The following CDH12 variants were observed in gnomAD, a reference collection of about 807,000 sequenced individuals.
CDH12 encodes the protein cadherin 12, also known as cadherin-12.
In CDH12, 41 loss-of-function variants were observed where a neutral mutation model predicts 74.1. The observed-to-expected ratio is 0.55, with a 90% CI of 0.43 to 0.72. The LOEUF is 0.72. Ranked by LOEUF, CDH12 falls within the 30% of genes least tolerant of loss-of-function variation. The pLI, the probability that CDH12 is intolerant of heterozygous loss-of-function variation, is 0.00. For missense variants in CDH12, 945 were observed against 977.2 expected (o/e 0.97, Z 0.44); for synonymous variants, 399 against 355.0 (o/e 1.12, Z -1.39).
intron 6 of CDH12, among the ~76,000 whole-genome samples, chr5:21,916,935 A>G (rs1261726178): frequency 2.0e-5 from 3 of 152,146 alleles, no homozygotes; most frequent in African/African-American, 7.2e-5. Context: ...AAATCTCTTG[A>G]AAACAGCTGA....
chr5:22,511,147 G>A (rs969081195), intron 1 of CDH12, among the ~76,000 whole-genome samples: 25 of 151,938 alleles, frequency 1.6e-4, no homozygotes, highest in African/African-American at 5.6e-4. Context: ...TACCTGCCTC[G>A]GCCTCCCAAA....
chr5:21,828,670 T>C (rs571947584), intron 8 of CDH12, among the ~76,000 whole-genome samples: 23 of 152,270 alleles, frequency 1.5e-4, no homozygotes, highest in Middle Eastern at 3.4e-3. Flanking sequence ...GACACAATGG[T>C]TTACATTTTC....
At chr5:22,009,488 A>G (rs1370910850) in intron 5 of CDH12, among the ~76,000 whole-genome samples, 1 of 152,290 alleles carries the variant, frequency 6.6e-6, no homozygotes, top group East Asian at 1.9e-4. Flanking sequence ...ACATATAATT[A>G]TAACTTGGTG....
intron 5 of CDH12, among the ~76,000 whole-genome samples, chr5:22,077,022 T>C (rs960298735): frequency 6.7e-6 from 1 of 150,082 alleles, no homozygotes; most frequent in African/African-American, 2.5e-5. Context: ...GTAAAGGAGA[T>C]AGTTCATAGT....
In CDH12 at chr5:21,880,617, T is replaced by C. The variant is rs1395707134; in HGVS notation, c.527-25827A>G. ...CTTCCTTCCTTCCTTCCTTCCTTCC[T>C]TCTTTCTTTCTTTCTTTCTTTCTTT... On this transcript the variant is annotated intron_variant, in intron 6 of 14. Coordinates refer to ENST00000382254, the MANE Select transcript of CDH12 (RefSeq NM_004061.5). 3.0e-3 allele frequency among the ~76,000 whole-genome samples: 162 copies of C among 53,986 alleles called. 1 individual carries two copies. Among genetic ancestry groups the C allele is most frequent in the African/African-American group, 0.013 (157 of 12,094 alleles). 35.4% of individuals were successfully genotyped at this position (53,986 alleles called of 152,430 possible).
At chr5:22,112,821 G>A (rs556929926) in intron 4 of CDH12, among the ~76,000 whole-genome samples, 1 of 152,170 alleles carries the variant, frequency 6.6e-6, no homozygotes, top group East Asian at 1.9e-4. Flanking sequence ...ATGACTTTAT[G>A]CTAGTCTTTT....
intron 1 of CDH12, among the ~76,000 whole-genome samples, chr5:22,733,888 A>G (rs544454421): frequency 6.6e-6 from 1 of 151,840 alleles, no homozygotes; most frequent in Admixed American, 6.6e-5. Context: ...TTGCTATCCT[A>G]TAACCAAATA....
rs1482028063 is a variant in CDH12, at chr5:22,661,965, A to G, written c.-522-156601T>C. On this transcript the variant is annotated intron_variant, in intron 1 of 14. Coordinates refer to ENST00000382254, the MANE Select transcript of CDH12 (RefSeq NM_004061.5). ...TTCACAATTAAAGGGTGAATATACC[A>G]TAATTCTTTGTTTCTTTGTTTCTAC... is the stretch of plus-strand genomic sequence containing the variant. Among the ~76,000 whole-genome samples, 6 of 149,114 alleles carry G rather than the reference A, an allele frequency of 4.0e-5. No individual in the cohort carries two copies. In the Admixed American group the frequency reaches 4.2e-4, roughly 10 times the overall value.
intron 8 of CDH12, among the ~76,000 whole-genome samples, chr5:21,836,310 A>G (rs1749530966): frequency 6.6e-6 from 1 of 151,792 alleles, no homozygotes; most frequent in African/African-American, 2.4e-5. Context: ...ACGTTTGTAG[A>G]TATTTAATCA....
At chr5:22,363,870 A>T (rs867487153) in intron 3 of CDH12, among the ~76,000 whole-genome samples, 2 of 152,230 alleles carry the variant, frequency 1.3e-5, no homozygotes, top group Admixed American at 6.5e-5. Context: ...CAGACAGTAA[A>T]CTAGACCAAA....
At chr5:22,669,089 A>G (rs1242252468) in intron 1 of CDH12, among the ~76,000 whole-genome samples, 1 of 152,130 alleles carries the variant, frequency 6.6e-6, no homozygotes, top group Non-Finnish European at 1.5e-5. Flanking sequence ...ATGAAAATAA[A>G]ATTACATTTT....
intron 1 of CDH12, among the ~76,000 whole-genome samples, chr5:22,698,710 T>A (rs1305443365): frequency 7.4e-5 from 1 of 13,426 alleles, no homozygotes; most frequent in East Asian, 3.7e-3. Flanking sequence ...TATATATATA[T>A]ATATATATAT....
chr5:22,500,925 T>G (rs1747305904), intron 2 of CDH12, among the ~76,000 whole-genome samples: 1 of 152,114 alleles, frequency 6.6e-6, no homozygotes, highest in Non-Finnish European at 1.5e-5. Context: ...GTATAATTTT[T>G]TTTTTCTGAT....
intron 2 of CDH12, among the ~76,000 whole-genome samples, chr5:22,417,485 A>C (rs908278107): frequency 1.3e-5 from 2 of 152,130 alleles, no homozygotes; most frequent in Admixed American, 6.5e-5. Context: ...GCCTTTCACT[A>C]TGGGATGACG....
At chr5:21,962,865 C>T (rs1756421782) in intron 6 of CDH12, among the ~76,000 whole-genome samples, 1 of 152,198 alleles carries the variant, frequency 6.6e-6, no homozygotes, top group East Asian at 1.9e-4. Flanking sequence ...ATCTCCTTGT[C>T]CTGTTACTAC....
At chr5:22,631,416 A>G (rs990245201) in intron 1 of CDH12, among the ~76,000 whole-genome samples, 2 of 152,030 alleles carry the variant, frequency 1.3e-5, no homozygotes, top group African/African-American at 2.4e-5. Flanking sequence ...CTGGATAAAT[A>G]AAAAGTGGTT....
At chr5:22,105,346 G>GC (rs1281816450) in intron 4 of CDH12, among the ~76,000 whole-genome samples, 4 of 150,124 alleles carry the variant, frequency 2.7e-5, no homozygotes, top group Non-Finnish European at 5.9e-5. Flanking sequence ...GCCCACCTCG[G>GC]CCCCCCAAAG....
chr5:22,600,232 C>T (rs902474777), intron 1 of CDH12, among the ~76,000 whole-genome samples: 9 of 152,102 alleles, frequency 5.9e-5, no homozygotes, highest in African/African-American at 1.9e-4. Flanking sequence ...TTTGAAACAG[C>T]ATCTGGCACA....
At chr5:22,207,489 A>T (rs970451398) in intron 4 of CDH12, among the ~76,000 whole-genome samples, 1 of 152,324 alleles carries the variant, frequency 6.6e-6, no homozygotes, top group Non-Finnish European at 1.5e-5. Context: ...AACTCTATTT[A>T]CAAAAACAAA....
Sources: gnomAD v4.1 joint callset for allele counts (sites outside exome capture counted in the v4.1 genomes callset) on GRCh38, gnomAD v4.1.1 for gene constraint, MANE v1.5 for transcripts, NCBI Gene and HGNC (gene_info 2026-07-23, HGNC 2026-07-21) for gene names.